Variants in SLC1A3 observed in about 807,000 individuals in gnomAD.
The protein encoded by SLC1A3 is solute carrier family 1 member 3, also known as excitatory amino acid transporter 1.
A neutral mutation model predicts 48.1 loss-of-function variants in SLC1A3; 21 were observed. The ratio of observed to expected loss-of-function variants is 0.44; its 90% CI spans 0.31 to 0.63. The LOEUF is 0.63. SLC1A3 is among the 20% of genes least tolerant of loss of function. SLC1A3 has a pLI of 0.08. For missense variants in SLC1A3, 546 were observed against 689.0 expected, an observed-to-expected ratio of 0.79 and a Z score of 2.32; for synonymous variants, 239 against 251.4, an observed-to-expected ratio of 0.95 and a Z score of 0.47.
At position 36,678,479 on chromosome 5, in the gene SLC1A3, T is replaced by C. The variant is rs183772367; in HGVS notation, c.861-1148T>C. ...TCTAGCTGTACATTCGCCTGCACAT[T>C]CAACGCTGAGTTATTATATTTCTGA... On this transcript the variant is annotated intron_variant, in intron 6 of 9. Coordinates refer to ENST00000265113, the MANE Select transcript of SLC1A3 (RefSeq NM_004172.5). Among the ~76,000 whole-genome samples the C allele has an allele frequency of 3.9e-5, 6 of 152,350 alleles. No homozygotes were observed. In the East Asian group the frequency reaches 1.2e-3, roughly 29 times the overall value.
intron 3 of SLC1A3, among the ~76,000 whole-genome samples, chr5:36,653,433 T>C (rs918876615): frequency 2.0e-5 from 3 of 152,270 alleles, no homozygotes; most frequent in African/African-American, 7.2e-5. Flanking sequence ...ACTTATTTAT[T>C]GGTTCTGACA....
In SLC1A3 at chr5:36,687,665, C is replaced by T. The variant is rs963525480; in HGVS notation, c.*1396C>T. Reference sequence around the variant, plus strand: ...TTGGAATCCCACTTATCAAATCATTCAAAACTTTCAGCTGGAGTGGGGTTT... The same window carrying T: ...TTGGAATCCCACTTATCAAATCATTTAAAACTTTCAGCTGGAGTGGGGTTT... On this transcript the variant is annotated 3_prime_UTR_variant, in exon 10 of 10. Transcript: ENST00000265113. 6.6e-6 allele frequency: 1 copy of T among 152,332 alleles called. No homozygotes were observed. Among genetic ancestry groups the T allele is most frequent in the Non-Finnish European group, 1.5e-5 (1 of 68,026 alleles). The allele number at this position is 152,332 out of a possible 1,614,324, so 9.4% of individuals were successfully genotyped here. A position where few individuals can be genotyped will look rare whatever the true frequency, so the allele number is the denominator to read the frequency against.
intron 3 of SLC1A3, chr5:36,636,507 T>TTTC (rs1198512163): frequency 2.5e-4 from 27 of 106,210 alleles, no homozygotes; most frequent in African/African-American, 1.0e-3. Context: ...TTCTTTCTTT[T>TTTC]TCTTTCTTTC....
At chr5:36,597,245 T>TTTC in intron 1 of SLC1A3, among the ~76,000 whole-genome samples, 1 of 105,680 alleles carries the variant, frequency 9.5e-6, no homozygotes, top group South Asian at 3.7e-4. Flanking sequence ...TTTTTTTTTT[T>TTTC]TTTTTTTTTT....
chr5:36,665,206 A>G (rs1482712261), intron 3 of SLC1A3, among the ~76,000 whole-genome samples: 1 of 144,216 alleles, frequency 6.9e-6, no homozygotes, highest in Non-Finnish European at 1.5e-5. Flanking sequence ...ATAGTAACCC[A>G]ATCTAAGTGT....
chr5:36,602,888 G>C (rs1738823941), upstream of SLC1A3, among the ~76,000 whole-genome samples: 1 of 152,210 alleles, frequency 6.6e-6, no homozygotes, highest in Non-Finnish European at 1.5e-5. Context: ...AAGTGGGCTG[G>C]AGAGTGCACA....
chr5:36,605,746 C>T (rs527852835), upstream of SLC1A3, among the ~76,000 whole-genome samples: 1 of 152,022 alleles, frequency 6.6e-6, no homozygotes, highest in Non-Finnish European at 1.5e-5. Flanking sequence ...TCTATTTTCA[C>T]AATTTATTTT....
chr5:36,603,214 G>A (rs973014169), upstream of SLC1A3, among the ~76,000 whole-genome samples: 1 of 152,220 alleles, frequency 6.6e-6, no homozygotes, highest in Non-Finnish European at 1.5e-5. Flanking sequence ...CATGCCACAC[G>A]ATGGCTGCTA....
intron 2 of SLC1A3, among the ~76,000 whole-genome samples, chr5:36,616,726 C>T (rs1307856205): frequency 6.6e-6 from 1 of 152,156 alleles, no homozygotes. Flanking sequence ...CATCGCATTA[C>T]TTGAAATATC....
intron 6 of SLC1A3, among the ~76,000 whole-genome samples, chr5:36,677,869 C>A (rs1467270028): frequency 1.3e-5 from 2 of 152,142 alleles, no homozygotes; most frequent in African/African-American, 4.8e-5. Context: ...TGTTTCAGCC[C>A]TAAGAAAGAA....
At chr5:36,622,905 G>C (rs1204413775) in intron 2 of SLC1A3, among the ~76,000 whole-genome samples, 3 of 151,588 alleles carry the variant, frequency 2.0e-5, no homozygotes, top group South Asian at 2.1e-4. Context: ...CCAGCTACTC[G>C]GGAGGCTGAG....
chr5:36,647,459 T>C (rs1429208103), intron 3 of SLC1A3, among the ~76,000 whole-genome samples: 1 of 152,254 alleles, frequency 6.6e-6, no homozygotes, highest in Non-Finnish European at 1.5e-5. Flanking sequence ...CAAGAAACAT[T>C]CAAATTCAAC....
intron 2 of SLC1A3, among the ~76,000 whole-genome samples, chr5:36,616,458 A>G (rs1485933924): frequency 6.6e-6 from 1 of 152,184 alleles, no homozygotes; most frequent in African/African-American, 2.4e-5. Context: ...CAGCAAATTG[A>G]AAGGCACAAC....
chr5:36,651,912 G>A (rs185801873), intron 3 of SLC1A3, among the ~76,000 whole-genome samples: 9 of 152,252 alleles, frequency 5.9e-5, no homozygotes, highest in South Asian at 4.1e-4. Flanking sequence ...TGGAAGGGCC[G>A]AGGGTCAAAG....
At chr5:36,616,688 C>A (rs1739449639) in intron 2 of SLC1A3, among the ~76,000 whole-genome samples, 2 of 152,136 alleles carry the variant, frequency 1.3e-5, no homozygotes, top group African/African-American at 4.8e-5. Flanking sequence ...AAAATATACC[C>A]TGCAAAGATG....
Position 36,645,319 on chromosome 5 carries a change from C to CTTTTTTTTTTTTTTTTTTTTTTTT in SLC1A3, c.319+15738_319+15761dup, listed in dbSNP as rs68027582. ...ATCTTTGAGGACTGACTTCCGCTGCCTTTTTTTTTTTTTTTTTTTTTTTTT... is the reference window on the plus strand; with the variant it reads ...ATCTTTGAGGACTGACTTCCGCTGCCTTTTTTTTTTTTTTTTTTTTTTTTTTTTTTTTTTTTTTTTTTTTTTTTT... On this transcript the variant is annotated intron_variant, in intron 3 of 9. Coordinates refer to ENST00000265113, the MANE Select transcript of SLC1A3 (RefSeq NM_004172.5). Among the ~76,000 whole-genome samples, 4 of 84,272 alleles carry CTTTTTTTTTTTTTTTTTTTTTTTT rather than the reference C, an allele frequency of 4.7e-5. 2 individuals carry two copies. Among genetic ancestry groups the CTTTTTTTTTTTTTTTTTTTTTTTT allele is most frequent in the Admixed American group, 3.0e-4 (2 of 6,596 alleles). The allele number at this position is 84,272 out of a possible 152,430, so 55.3% of individuals were successfully genotyped here.
chr5:36,629,427 C>CA (rs763683122), intron 2 of SLC1A3, 23 bp from the exon 3 acceptor site: 1 of 986,746 alleles, frequency 1.0e-6, no homozygotes, highest in Non-Finnish European at 1.4e-6. Context: ...TTTTCTTTTT[C>CA]TTTTTTTTTT....
chr5:36,609,691 C>T (rs556841540), intron 2 of SLC1A3, among the ~76,000 whole-genome samples: 2 of 152,258 alleles, frequency 1.3e-5, no homozygotes, highest in East Asian at 3.9e-4. Context: ...ACATCATTGT[C>T]TTCCATTAGT....
intron 3 of SLC1A3, chr5:36,668,991 G>A (rs1741878150): frequency 6.6e-6 from 1 of 152,156 alleles, no homozygotes; most frequent in Non-Finnish European, 1.5e-5. Context: ...GAGAAGAGTT[G>A]GCGTGAGAAC....
Sources: allele counts gnomAD v4.1 joint callset (sites outside exome capture counted in the v4.1 genomes callset), GRCh38; gene constraint gnomAD v4.1.1; transcripts MANE v1.5; gene names NCBI Gene and HGNC (gene_info 2026-07-23, HGNC 2026-07-21).